Variants in RCN3 observed in about 807,000 individuals in gnomAD.
The protein encoded by RCN3 is reticulocalbin-3.
In RCN3, 41 loss-of-function variants were observed where a neutral mutation model predicts 35.9. That is an observed-to-expected ratio of 1.14 (90% CI 0.89 to 1.48). RCN3 has a LOEUF of 1.48. RCN3 is among the 40% of genes most tolerant of loss of function. RCN3 has a pLI of 0.00. For missense variants in RCN3, 451 were observed against 471.3 expected (o/e 0.96, Z 0.40); for synonymous variants, 187 against 193.4 (o/e 0.97, Z 0.27).
At chr19:49,528,205 G>A (rs997911970) in intron 1 of RCN3, 147 bp downstream of exon 1, 8 of 410,732 alleles carry the variant, frequency 1.9e-5, no homozygotes, top group East Asian at 3.7e-5. Context: ...TGTGCGCCAC[G>A]TCTGTCTCTG....
chr19:49,541,000 G>A (rs1601219460), intron 5 of RCN3, among the ~76,000 whole-genome samples: 3 of 150,998 alleles, frequency 2.0e-5, no homozygotes, highest in South Asian at 2.1e-4. Flanking sequence ...GCATGATCTC[G>A]GCTCACTGCA....
intron 2 of RCN3, among the ~76,000 whole-genome samples, chr19:49,532,851 T>A (rs567782624): frequency 8.2e-4 from 125 of 152,104 alleles, no homozygotes; most frequent in Admixed American, 1.6e-3. Flanking sequence ...AATTTTTGTA[T>A]TTTTAGTAGA....
In RCN3 at chr19:49,528,684, T is replaced by A; in HGVS notation, c.212T>A (p.Leu71His). ...GAAGTGGCCAAGGAATTCGACCAAC[T>A]CACCCCAGAGGAAAGCCAGGCCCGT... ...GREVAKEFDQ[L>H]TPEESQARLG... The change falls in exon 2 of 7, where the codon CTC becomes CAC. Residue 71 changes from leucine to histidine, a missense_variant. Leu to His is a moderately conservative substitution (Grantham distance 99, BLOSUM62 -3). Transcript: ENST00000270645. 1.2e-6 allele frequency: 2 copies of A among 1,606,366 alleles called. No individual in the cohort carries two copies. The highest frequency in any genetic ancestry group is 2.2e-5 in the South Asian group (2 of 90,044).
Position 49,543,524 on chromosome 19 carries a change from C to T in RCN3, c.*311C>T, listed in dbSNP as rs1129479. ...CGCCCCAACCCCTCCAGCTCCAAAT[C>T]TGAGCCTCCACCACATAGACTGAAA... On this transcript the variant is annotated 3_prime_UTR_variant, in exon 7 of 7. Transcript: ENST00000270645. 2 of 382,926 alleles carry T rather than the reference C, an allele frequency of 5.2e-6. No homozygotes were observed. The highest frequency in any genetic ancestry group is 9.9e-5 in the East Asian group (2 of 20,180). 23.7% of individuals were successfully genotyped at this position (382,926 alleles called of 1,614,324 possible). A position where few individuals can be genotyped will look rare whatever the true frequency, so the allele number is the denominator to read the frequency against.
chr19:49,541,405 G>A (rs1390272242), intron 5 of RCN3, among the ~76,000 whole-genome samples: 1 of 152,064 alleles, frequency 6.6e-6, no homozygotes, highest in East Asian at 1.9e-4. Context: ...TTGGTGTTTG[G>A]GCTCTGGCAC....
At chr19:49,535,865 T>A (rs565643966) in intron 3 of RCN3, among the ~76,000 whole-genome samples, 107 of 142,408 alleles carry the variant, frequency 7.5e-4, no homozygotes, top group African/African-American at 1.6e-3. Flanking sequence ...AAAAAAAATA[T>A]ATATATATAT....
At chr19:49,529,122 A>G (rs1380213163) in intron 2 of RCN3, among the ~76,000 whole-genome samples, 1 of 152,154 alleles carries the variant, frequency 6.6e-6, no homozygotes, top group Non-Finnish European at 1.5e-5. Context: ...TGGAGGTTGC[A>G]GTGAGCCAAA....
At chr19:49,540,193 T>C (rs951703664) in intron 5 of RCN3, among the ~76,000 whole-genome samples, 3 of 152,058 alleles carry the variant, frequency 2.0e-5, no homozygotes, top group African/African-American at 7.2e-5. Context: ...CTTTATTAAA[T>C]AGAGATGGGT....
intron 5 of RCN3, among the ~76,000 whole-genome samples, chr19:49,539,915 AT>A (rs1310884474): frequency 3.3e-5 from 5 of 151,452 alleles, no homozygotes; most frequent in African/African-American, 1.2e-4. Context: ...TGGAGATGGG[AT>A]TTCACCATGT....
chr19:49,542,866 AAAAG>A (rs1306483303), intron 6 of RCN3, 114 bp downstream of exon 6: 38 of 1,065,488 alleles, frequency 3.6e-5, no homozygotes, highest in Non-Finnish European at 4.7e-5. Context: ...GTGGGATAAA[AAAAG>A]AGGGACAGAG....
Position 49,528,515 on chromosome 19 carries a change from AG to A in RCN3, c.45del (p.Arg15SerfsTer26). The A allele has an allele frequency of 1.3e-6, 2 of 1,544,656 alleles. No individual in the cohort carries two copies. Among genetic ancestry groups the A allele is most frequent in the Non-Finnish European group, 1.7e-6 (2 of 1,147,066 alleles). On this transcript the variant is annotated frameshift_variant, in exon 2 of 7. Transcript: ENST00000270645. ...PSVLLLLLLL[R>X]HGAQGKPSPD... ...AGTTCTGCTGCTTCTGTTGCTACTG[AG>A]GCACGGGGCCCAGGGGAAGCCATCC... is the stretch of plus-strand genomic sequence containing the variant.
intron 3 of RCN3, among the ~76,000 whole-genome samples, chr19:49,535,855 A>T (rs2080131179): frequency 7.1e-6 from 1 of 141,786 alleles, no homozygotes; most frequent in Non-Finnish European, 1.5e-5. Flanking sequence ...GTCTCAAAAA[A>T]AAAAAAATAT....
intron 5 of RCN3, among the ~76,000 whole-genome samples, chr19:49,540,240 G>C (rs1180679636): frequency 6.6e-6 from 1 of 151,666 alleles, no homozygotes; most frequent in Non-Finnish European, 1.5e-5. Flanking sequence ...AGAACTCCTG[G>C]GCTCAAGCAA....
At position 49,537,031 on chromosome 19, in the gene RCN3, AG is replaced by A; in HGVS notation, c.446del. The A allele has an allele frequency of 6.5e-7, 1 of 1,527,800 alleles. No homozygotes were observed. The highest frequency in any genetic ancestry group is 8.8e-7 in the Non-Finnish European group (1 of 1,132,694). The allele number at this position is 1,527,800 out of a possible 1,614,324, so 94.6% of individuals were successfully genotyped here. A position where few individuals can be genotyped will look rare whatever the true frequency, so the allele number is the denominator to read the frequency against. ...ATCTCACTGAGACCTGTCCTTCCCC[AG>A]GTGAAGAATTTCATGACGTGGAGGA... is the stretch of plus-strand genomic sequence containing the variant. On this transcript the variant is annotated splice_acceptor_variant, in intron 3 of 6. Coordinates refer to ENST00000270645, the MANE Select transcript of RCN3 (RefSeq NM_020650.3). LOFTEE classifies it high-confidence loss of function.
intron 5 of RCN3, among the ~76,000 whole-genome samples, chr19:49,541,610 G>C (rs138297670): frequency 6.6e-6 from 1 of 152,048 alleles, no homozygotes; most frequent in Non-Finnish European, 1.5e-5. Flanking sequence ...TTAGCTGGGC[G>C]TGGTGGCGGG....
At position 49,528,759 on chromosome 19, in the gene RCN3, GGA is replaced by G. The variant is rs761510324; in HGVS notation, c.242+52_242+53del. ...GGGGCGTGTCCAGAGGTGGGGCTTA[GGA>G]GAGAGACGCGGGGGTATCGACAGGG... On this transcript the variant is annotated intron_variant, in intron 2 of 6. Coordinates refer to ENST00000270645, the MANE Select transcript of RCN3 (RefSeq NM_020650.3). 36 of 1,485,192 alleles carry G rather than the reference GGA, an allele frequency of 2.4e-5. No homozygotes were observed. The African/African-American group carries it at 4.9e-4, about 20-fold the overall frequency. The allele number at this position is 1,485,192 out of a possible 1,614,324, so 92.0% of individuals were successfully genotyped here.
At chr19:49,530,895 GCAGA>G (rs2080105701) in intron 2 of RCN3, among the ~76,000 whole-genome samples, 1 of 152,182 alleles carries the variant, frequency 6.6e-6, no homozygotes, top group Non-Finnish European at 1.5e-5. Flanking sequence ...AGCATTCCAG[GCAGA>G]CAGAACAGTT....
rs138673543 is a variant in RCN3 at position 49,528,535 on chromosome 19, G to T, written c.63G>T (p.Lys21Asn). The change falls in exon 2 of 7, where the codon AAG (lysine) becomes AAT (asparagine). Residue 21 changes from lysine (K) to asparagine (N), a missense_variant. Physicochemically the swap from Lys to Asn is moderately conservative, Grantham distance 94 (BLOSUM62 0). Coordinates refer to ENST00000270645, the MANE Select transcript of RCN3 (RefSeq NM_020650.3). Reference protein sequence around the residue: ...LLLLRHGAQGKPSPDAGPHGQ... With the variant: ...LLLLRHGAQGNPSPDAGPHGQ... ...TACTGAGGCACGGGGCCCAGGGGAA[G>T]CCATCCCCAGACGCAGGCCCTCATG... 10 of 1,570,844 alleles carry T rather than the reference G, an allele frequency of 6.4e-6. 1 individual carries two copies. The South Asian group carries it at 9.3e-5, about 15-fold the overall frequency.
intron 2 of RCN3, among the ~76,000 whole-genome samples, chr19:49,531,485 C>T (rs767446047): frequency 6.6e-5 from 10 of 152,162 alleles, no homozygotes; most frequent in Non-Finnish European, 1.5e-4. Flanking sequence ...GAGAGTAGAA[C>T]TGAGGGAGGG....
Sources: allele counts gnomAD v4.1 joint callset (sites outside exome capture counted in the v4.1 genomes callset), GRCh38; gene constraint gnomAD v4.1.1; transcripts MANE v1.5; gene names NCBI Gene and HGNC (gene_info 2026-07-23, HGNC 2026-07-21).